Variants in TENM4 observed in about 807,000 individuals in gnomAD.
The protein encoded by TENM4 is teneurin-4.
TENM4 carries 82 observed loss-of-function variants against 243.3 expected under a neutral mutation model. That is an observed-to-expected ratio of 0.34 (90% CI 0.28 to 0.40). The LOEUF is 0.40. Ranked by LOEUF, TENM4 falls within the 10% of genes least tolerant of loss-of-function variation. The probability of loss-of-function intolerance (pLI) is 1.00; values close to 1 mark genes in which losing one functional copy is unlikely to be tolerated. For synonymous variants in TENM4, 1,412 were observed against 1,456.3 expected (o/e 0.97, Z 0.69); for missense variants, 3,138 against 3,673.3 (o/e 0.85, Z 3.77).
intron 32 of TENM4, among the ~76,000 whole-genome samples, chr11:78,664,947 C>G (rs1425744305): frequency 2.6e-5 from 4 of 152,186 alleles, no homozygotes; most frequent in African/African-American, 9.6e-5. Context: ...GGAAAAAATG[C>G]TGAAAATGAA....
chr11:78,668,783 A>G (rs1014410006), intron 32 of TENM4, among the ~76,000 whole-genome samples, 154 bp downstream of exon 32: 2 of 152,174 alleles, frequency 1.3e-5, no homozygotes, highest in African/African-American at 4.8e-5. Context: ...TTTCTGAACT[A>G]GTGTTTCTTC....
At chr11:79,252,483 C>T (rs960461856) in intron 2 of TENM4, among the ~76,000 whole-genome samples, 1 of 152,114 alleles carries the variant, frequency 6.6e-6, no homozygotes, top group Admixed American at 6.5e-5. Flanking sequence ...GTGATCCGCC[C>T]GCCTCGGCCT....
intron 25 of TENM4, among the ~76,000 whole-genome samples, chr11:78,716,155 C>T (rs557785647): frequency 4.2e-4 from 64 of 152,200 alleles, no homozygotes; most frequent in African/African-American, 1.5e-3. Flanking sequence ...AAATTCCAAC[C>T]GAGTTCTGCT....
At position 79,176,209 on chromosome 11, in the gene TENM4, A is replaced by G. The variant is rs181039477; in HGVS notation, c.-162-27403T>C. Among the ~76,000 whole-genome samples, 574 of 152,338 alleles carry G rather than the reference A, an allele frequency of 3.8e-3. 4 individuals carry two copies. Among genetic ancestry groups the G allele is most frequent in the Non-Finnish European group, 6.6e-3 (449 of 68,026 alleles). On this transcript the variant is annotated intron_variant, in intron 3 of 33. Coordinates refer to ENST00000278550, the MANE Select transcript of TENM4 (RefSeq NM_001098816.3). ...ACTGTTTACTCAATGTACTGCCCATAGGGTCAGTCATTCAACTGATGACTT... is the reference window on the plus strand; with the variant it reads ...ACTGTTTACTCAATGTACTGCCCATGGGGTCAGTCATTCAACTGATGACTT...
intron 29 of TENM4, among the ~76,000 whole-genome samples, chr11:78,676,895 C>G (rs1304658651): frequency 1.3e-5 from 2 of 152,174 alleles, no homozygotes; most frequent in African/African-American, 4.8e-5. Flanking sequence ...ATGTAAAAGG[C>G]TACATATTGT....
At chr11:79,405,977 G>T (rs950244750) in intron 1 of TENM4, among the ~76,000 whole-genome samples, 12 of 151,990 alleles carry the variant, frequency 7.9e-5, no homozygotes, top group African/African-American at 2.9e-4. Context: ...ATCTGGCCCT[G>T]CCCCAGAGCT....
chr11:79,279,660 G>A (rs1399064726), intron 2 of TENM4, among the ~76,000 whole-genome samples: 1 of 151,952 alleles, frequency 6.6e-6, no homozygotes, highest in Admixed American at 6.5e-5. Flanking sequence ...CTTTATTCCT[G>A]TTCCACTGAG....
chr11:78,941,792 T>C lies in TENM4; in HGVS notation c.494-38269A>G, dbSNP rs377485357. ...CCTGAAATGGGCAGAGAGCTGACTC[T>C]GACACAACACAGGCTGCATTCTTGG... On this transcript the variant is annotated intron_variant, in intron 6 of 33. Transcript: ENST00000278550. 6.6e-5 allele frequency among the ~76,000 whole-genome samples: 10 copies of C among 152,210 alleles called. No individual in the cohort carries two copies. In the East Asian group the frequency reaches 7.7e-4, roughly 12 times the overall value.
intron 1 of TENM4, among the ~76,000 whole-genome samples, chr11:79,377,595 C>T (rs994850446): frequency 9.2e-5 from 14 of 152,290 alleles, no homozygotes; most frequent in African/African-American, 3.4e-4. Context: ...ATGACAGGCA[C>T]ACAGCAGTCG....
chr11:79,300,753 C>T (rs1555044561), intron 1 of TENM4, among the ~76,000 whole-genome samples: 4 of 152,208 alleles, frequency 2.6e-5, no homozygotes, highest in Non-Finnish European at 2.9e-5. Flanking sequence ...ATTGCATGTT[C>T]GTTATGCTTT....
intron 6 of TENM4, among the ~76,000 whole-genome samples, chr11:79,038,764 T>TA (rs1453429502): frequency 1.3e-5 from 2 of 152,134 alleles, no homozygotes; most frequent in Non-Finnish European, 2.9e-5. Context: ...AATCCTGGCT[T>TA]GGGAAAAAAC....
chr11:78,903,700 G>A, intron 6 of TENM4, 177 bp from the exon 7 acceptor site: 1 of 1,065,580 alleles, frequency 9.4e-7, no homozygotes, highest in Non-Finnish European at 1.4e-6. Context: ...CATTCTAGGT[G>A]CTAGGGATAC....
At chr11:78,899,605 T>G in intron 7 of TENM4, among the ~76,000 whole-genome samples, 1 of 142,020 alleles carries the variant, frequency 7.0e-6, no homozygotes, top group South Asian at 2.3e-4. Flanking sequence ...TGATACCCAA[T>G]GTTAGAGGTG....
chr11:79,275,452 T>C (rs1202892623), intron 2 of TENM4, among the ~76,000 whole-genome samples: 1 of 152,230 alleles, frequency 6.6e-6, no homozygotes, highest in Admixed American at 6.5e-5. Context: ...CGCTTTGCAC[T>C]CTGCAGGTGA....
chr11:78,961,470 C>T (rs974253530), intron 6 of TENM4, among the ~76,000 whole-genome samples: 1 of 152,172 alleles, frequency 6.6e-6, no homozygotes, highest in African/African-American at 2.4e-5. Context: ...CCCCACCTCC[C>T]ACCTTAAGAA....
At chr11:79,082,236 C>T (rs537892793) in intron 4 of TENM4, among the ~76,000 whole-genome samples, 40 of 152,272 alleles carry the variant, frequency 2.6e-4, no homozygotes, top group African/African-American at 8.7e-4. Context: ...GAAACCTTTG[C>T]GAGCCAACCC....
In TENM4 at chr11:78,712,699, G is replaced by C. The variant is rs763898748; in HGVS notation, c.3837C>G (p.His1279Gln). 1 of 1,614,032 alleles carries C rather than the reference G, an allele frequency of 6.2e-7. No individual in the cohort carries two copies. The highest frequency in any genetic ancestry group is 1.1e-5 in the South Asian group (1 of 91,084). Residue 1279 changes from histidine (H) to glutamine (Q), a missense_variant, in exon 26 of 34, where the codon CAC becomes CAG. Transcript: ENST00000278550. ...KDFRHSHSPA[H>Q]KYYLATDPMS... Reference sequence around the variant, plus strand: ...TGGGGTCTGTGGCCAGGTAGTATTTGTGTGCTGGACTGTGACTAGAAAACA... The same window carrying C: ...TGGGGTCTGTGGCCAGGTAGTATTTCTGTGCTGGACTGTGACTAGAAAACA...
chr11:79,096,925 C>T (rs1304272511), intron 4 of TENM4: 1 of 121,734 alleles, frequency 8.2e-6, no homozygotes, highest in Non-Finnish European at 1.7e-5. Flanking sequence ...TGCGCGCGCG[C>T]GCGCACACAC....
chr11:78,977,853 G>C (rs1186788634), intron 6 of TENM4, among the ~76,000 whole-genome samples: 1 of 152,162 alleles, frequency 6.6e-6, no homozygotes, highest in East Asian at 1.9e-4. Context: ...TCCATTACTG[G>C]ATATATACCC....
Sources: allele counts gnomAD v4.1 joint callset (sites outside exome capture counted in the v4.1 genomes callset), GRCh38; gene constraint gnomAD v4.1.1; transcripts MANE v1.5; gene names NCBI Gene and HGNC (gene_info 2026-07-23, HGNC 2026-07-21).